The following SLC1A5 variants were observed in gnomAD, a reference collection of about 807,000 sequenced individuals.
SLC1A5 encodes the protein solute carrier family 1 member 5.
In SLC1A5, 25 loss-of-function variants were observed where a neutral mutation model predicts 34.9. The ratio of observed to expected loss-of-function variants is 0.72; its 90% confidence interval spans 0.52 to 1.00. SLC1A5 has a LOEUF of 1.00. Ranked by LOEUF, SLC1A5 falls within the 50% of genes least tolerant of loss-of-function variation. The pLI, the probability that SLC1A5 is intolerant of heterozygous loss-of-function variation, is 0.00. For missense variants in SLC1A5, 637 were observed against 740.0 expected (o/e 0.86, Z 1.61); for synonymous variants, 351 against 341.2 (o/e 1.03, Z -0.32).
At position 46,787,602 on chromosome 19, in the gene SLC1A5, C is replaced by T. The variant is rs1461558368; in HGVS notation, c.364G>A (p.Gly122Ser). Residue 122 changes from glycine (G) to serine (S), a missense_variant, in exon 1 of 8, where the codon GGC (glycine) becomes AGC (serine). Gly to Ser is a moderately conservative substitution (Grantham distance 56). Coordinates refer to ENST00000542575, the MANE Select transcript of SLC1A5 (RefSeq NM_005628.3). This position sits in a 1 kb window ranked among gnomAD's most constrained non-coding sequence, Gnocchi z 5.2. ...CAGGCGCCCAGACGGCCGAGCGCGC[C>T]GGGGTCCAGGCTGGCGGCGCCGCCG... ...LIGGAASLDP[G>S]ALGRLGAWAL... is the part of the protein sequence containing the mutation. 6.4e-6 allele frequency: 10 copies of T among 1,561,898 alleles called. No individual in the cohort carries two copies. In the African/African-American group the frequency reaches 1.1e-4, roughly 17 times the overall value.
At chr19:46,786,104 T>A (rs1317455278) in intron 1 of SLC1A5, among the ~76,000 whole-genome samples, 2 of 148,924 alleles carry the variant, frequency 1.3e-5, no homozygotes, top group Non-Finnish European at 3.0e-5. Flanking sequence ...CACATAGGTG[T>A]GTATGTGAGT....
chr19:46,778,794 G>A lies in SLC1A5; in HGVS notation c.939C>T (p.His313=), dbSNP rs780150144. The A allele has an allele frequency of 2.3e-5, 37 of 1,613,662 alleles. No homozygotes were observed. Among genetic ancestry groups the A allele is most frequent in the South Asian group, 1.3e-4 (12 of 91,060 alleles). The change falls in exon 5 of 8, where the codon CAC becomes CAT. Residue 313 remains histidine, a synonymous_variant. Coordinates refer to ENST00000542575, the MANE Select transcript of SLC1A5 (RefSeq NM_005628.3). The part of the protein sequence containing the change: ...GKYILCCLLG[H]AIHGLLVLPL... Reference sequence around the variant, plus strand: ...GCAGTACCAGGAGCCCATGGATGGCGTGACCCAGCAGGCAGCACAGAATGT... The same window carrying A: ...GCAGTACCAGGAGCCCATGGATGGCATGACCCAGCAGGCAGCACAGAATGT...
chr19:46,782,278 T>A, intron 4 of SLC1A5, 105 bp downstream of exon 4: 1 of 854,692 alleles, frequency 1.2e-6, no homozygotes, highest in East Asian at 2.6e-5. Context: ...CTCCAAAGAG[T>A]GAATAGAGGG....
chr19:46,786,536 C>T (rs1423740345), intron 1 of SLC1A5, among the ~76,000 whole-genome samples: 2 of 152,176 alleles, frequency 1.3e-5, no homozygotes, highest in Non-Finnish European at 2.9e-5. Flanking sequence ...CCTGCACTGA[C>T]GCCCCAGAGG....
In SLC1A5 at chr19:46,775,052, AAC is replaced by A. The variant is rs55753437; in HGVS notation, c.*456_*457del. 0.067 allele frequency: 64,650 copies of A among 968,048 alleles called. 817 individuals are homozygous for A. The highest frequency in any genetic ancestry group is 0.15 in the African/African-American group (8,422 of 54,502). 60.0% of individuals were successfully genotyped at this position (968,048 alleles called of 1,614,324 possible). A position where few individuals can be genotyped will look rare whatever the true frequency, so the allele number is the denominator to read the frequency against. On this transcript the variant is annotated 3_prime_UTR_variant, in exon 8 of 8. Transcript: ENST00000542575. ...GTACCATGGGGACAGGAGGTCACAG[AAC>A]ACACACACACACACACACACACACA... is the stretch of plus-strand genomic sequence containing the variant.
chr19:46,778,655 AGCCC>A lies in SLC1A5; in HGVS notation c.1058+16_1058+19del. The A allele has an allele frequency of 5.5e-6, 7 of 1,263,310 alleles. No homozygotes were observed. Among genetic ancestry groups the A allele is most frequent in the South Asian group, 1.2e-5 (1 of 82,318 alleles). 78.3% of individuals were successfully genotyped at this position (1,263,310 alleles called of 1,614,324 possible). A position where few individuals can be genotyped will look rare whatever the true frequency, so the allele number is the denominator to read the frequency against. On this transcript the variant is annotated intron_variant, in intron 5 of 7. Transcript: ENST00000542575. Reference sequence around the variant, plus strand: ...CTTAGCGGATTAAACATCCCACCCTAGCCCACCCCAAGGCCGTACCTGGAAGAGG... The same window carrying A: ...CTTAGCGGATTAAACATCCCACCCTAACCCCAAGGCCGTACCTGGAAGAGG...
rs2055076588 is a variant in SLC1A5 at position 46,775,342 on chromosome 19, C to G, written c.*168G>C. ...AGTAACCCTTGTGAACACATGTACT[C>G]CAGCAGCCAGGCATCCCAGATCTCC... On this transcript the variant is annotated 3_prime_UTR_variant, in exon 8 of 8. Transcript: ENST00000542575. 6.1e-6 allele frequency: 9 copies of G among 1,465,870 alleles called. No individual in the cohort carries two copies. The South Asian group carries it at 1.0e-4, about 17-fold the overall frequency. 90.8% of individuals were successfully genotyped at this position (1,465,870 alleles called of 1,614,324 possible).
Position 46,787,673 on chromosome 19 carries a change from CGCA to C in SLC1A5, c.290_292del (p.Leu97del). 6.3e-7 allele frequency: 1 copy of C among 1,593,072 alleles called. No individual in the cohort carries two copies. Among genetic ancestry groups the C allele is most frequent in the Non-Finnish European group, 8.5e-7 (1 of 1,173,560 alleles). Reference sequence around the variant, plus strand: ...CGGCAAGATGATCATCCGCAGCAGACGCAGCAGCAGCTCGCCCGGGAAGACGAA... The same window carrying C: ...CGGCAAGATGATCATCCGCAGCAGACGCAGCAGCTCGCCCGGGAAGACGAA... On this transcript the variant is annotated inframe_deletion, in exon 1 of 8. Transcript: ENST00000542575. The surrounding 1 kb of genome is among the most constrained non-coding windows in gnomAD (Gnocchi z 5.2).
intron 2 of SLC1A5, 132 bp from the exon 3 acceptor site, chr19:46,784,276 C>A: frequency 1.2e-6 from 1 of 820,510 alleles, no homozygotes; most frequent in South Asian, 1.6e-5. Flanking sequence ...GCTGGCAACC[C>A]CATGGGGCAG....
Position 46,782,435 on chromosome 19 carries a change from A to C in SLC1A5, c.772T>G (p.Phe258Val). The C allele has an allele frequency of 6.2e-7, 1 of 1,613,694 alleles. No homozygotes were observed. Among genetic ancestry groups the C allele is most frequent in the Non-Finnish European group, 8.5e-7 (1 of 1,179,894 alleles). ...LGPEGELLIR[F>V]FNSFNEATMV... is the part of the protein sequence containing the mutation. ...GTGGCCTCATTGAAGGAGTTGAAGAAGCGGATAAGCAGCTCCCCTTCAGGC... is the reference window on the plus strand; with the variant it reads ...GTGGCCTCATTGAAGGAGTTGAAGACGCGGATAAGCAGCTCCCCTTCAGGC... Residue 258 changes from phenylalanine to valine, a missense_variant, in exon 4 of 8, where the codon TTC (phenylalanine) becomes GTC (valine). By Grantham distance (50) the Phe-to-Val change is conservative. Transcript: ENST00000542575.
At position 46,787,129 on chromosome 19, in the gene SLC1A5, G is replaced by T; in HGVS notation, c.566+271C>A. 1.0e-6 allele frequency: 1 copy of T among 954,252 alleles called. No homozygotes were observed. Among genetic ancestry groups the T allele is most frequent in the Non-Finnish European group, 1.4e-6 (1 of 704,184 alleles). 59.1% of individuals were successfully genotyped at this position (954,252 alleles called of 1,614,324 possible). A position where few individuals can be genotyped will look rare whatever the true frequency, so the allele number is the denominator to read the frequency against. The stretch of plus-strand genomic sequence containing the variant: ...TCCCCTCAGTGTCTTTCTCCCCTAG[G>T]CAGACCCTCCTATGTCTCCCCAAAT... On this transcript the variant is annotated intron_variant, in intron 1 of 7. Coordinates refer to ENST00000542575, the MANE Select transcript of SLC1A5 (RefSeq NM_005628.3). The surrounding 1 kb of genome is among the most constrained non-coding windows in gnomAD (Gnocchi z 5.2).
At position 46,787,377 on chromosome 19, in the gene SLC1A5, C is replaced by G. The variant is rs758445858; in HGVS notation, c.566+23G>C. On this transcript the variant is annotated intron_variant, in intron 1 of 7. Transcript: ENST00000542575. This position sits in a 1 kb window ranked among gnomAD's most constrained non-coding sequence, Gnocchi z 5.2. ...CGCCATCCGTAACACTCTTCCCCAC[C>G]TCCCGGGGGAGCGGGAGCTGACCTC... 7.0e-6 allele frequency: 11 copies of G among 1,573,980 alleles called. No individual in the cohort carries two copies. The highest frequency in any genetic ancestry group is 9.5e-6 in the Non-Finnish European group (11 of 1,160,712).
chr19:46,787,193 CA>C lies in SLC1A5; in HGVS notation c.566+206del. ...CTCTATAAGACCCCACTTATGTACCCAGGCCCCCAGATTTAGAAACCCCTTC... is the reference window on the plus strand; with the variant it reads ...CTCTATAAGACCCCACTTATGTACCCGGCCCCCAGATTTAGAAACCCCTTC... On this transcript the variant is annotated intron_variant, in intron 1 of 7. Coordinates refer to ENST00000542575, the MANE Select transcript of SLC1A5 (RefSeq NM_005628.3). The surrounding 1 kb of genome is among the most constrained non-coding windows in gnomAD (Gnocchi z 5.2). 7.2e-7 allele frequency: 1 copy of C among 1,396,262 alleles called. No homozygotes were observed. The highest frequency in any genetic ancestry group is 2.7e-5 in the East Asian group (1 of 36,740). The allele number at this position is 1,396,262 out of a possible 1,614,324, so 86.5% of individuals were successfully genotyped here. A position where few individuals can be genotyped will look rare whatever the true frequency, so the allele number is the denominator to read the frequency against.
Sources: gnomAD v4.1 joint callset for allele counts (sites outside exome capture counted in the v4.1 genomes callset) on GRCh38, gnomAD v4.1.1 for gene constraint, Gnocchi (gnomAD v3.1) non-coding constraint, MANE v1.5 for transcripts, NCBI Gene and HGNC (gene_info 2026-07-23, HGNC 2026-07-21) for gene names.